The following DOCK11 variants were observed in gnomAD, a reference collection of about 807,000 sequenced individuals.
The protein encoded by DOCK11 is dedicator of cytokinesis protein 11.
Under a neutral mutation model 169.1 loss-of-function variants are expected in DOCK11, and 70 were observed. That is an observed-to-expected ratio of 0.41 (90% CI 0.34 to 0.51). The LOEUF is 0.51. DOCK11 is among the 20% of genes least tolerant of loss of function. The probability of loss-of-function intolerance (pLI) is 0.10; values close to 1 mark genes in which losing one functional copy is unlikely to be tolerated. For missense variants in DOCK11, 1,166 were observed against 1,538.8 expected (o/e 0.76, Z 4.05); for synonymous variants, 529 against 541.3 (o/e 0.98, Z 0.32).
chrX:118,527,464 G>A lies in DOCK11; in HGVS notation c.103-15261G>A, dbSNP rs112828185. Among the ~76,000 whole-genome samples, 1,048 of 111,730 alleles carry A rather than the reference G, an allele frequency of 9.4e-3. 13 individuals carry two copies. The highest frequency in any genetic ancestry group is 0.032 in the African/African-American group (995 of 30,724). ...CAAAGAGGTTTTTGAACTCTGGTCC[G>A]AGGTTCCTTGTAGTCAGAAATTTCT... On this transcript the variant is annotated intron_variant, in intron 1 of 52. Coordinates refer to ENST00000276202, the MANE Select transcript of DOCK11 (RefSeq NM_144658.4).
At chrX:118,647,495 TA>T (rs2015711798) in intron 40 of DOCK11, among the ~76,000 whole-genome samples, 2 of 71,904 alleles carry the variant, frequency 2.8e-5, no homozygotes, top group Non-Finnish European at 4.8e-5. Context: ...TATATTATTA[TA>T]TAATATATTA....
At chrX:118,661,093 C>T (rs750759190) in intron 44 of DOCK11, among the ~76,000 whole-genome samples, 8 of 108,275 alleles carry the variant, frequency 7.4e-5, no homozygotes, top group Non-Finnish European at 1.5e-4. Context: ...CCAGTAGTCC[C>T]AGCTACTTGG....
chrX:118,590,514 G>A (rs936199359), intron 19 of DOCK11, among the ~76,000 whole-genome samples: 4 of 111,232 alleles, frequency 3.6e-5, no homozygotes, highest in Admixed American at 1.9e-4. Context: ...GGGGCTCTTC[G>A]ACTTGAGGTA....
chrX:118,588,801 A>T (rs757041524), intron 18 of DOCK11, among the ~76,000 whole-genome samples: 10 of 111,920 alleles, frequency 8.9e-5, no homozygotes, highest in Non-Finnish European at 1.9e-4. Context: ...AGGGACTATA[A>T]ACTCCTTTCT....
chrX:118,601,609 TTAAAA>T (rs770655147), intron 23 of DOCK11, among the ~76,000 whole-genome samples: 4 of 111,530 alleles, frequency 3.6e-5, no homozygotes, highest in African/African-American at 9.8e-5. Context: ...ACGGGTATTC[TTAAAA>T]TAGAAAAGTT....
intron 45 of DOCK11, among the ~76,000 whole-genome samples, chrX:118,670,802 A>G (rs2016451157): frequency 8.9e-6 from 1 of 112,370 alleles, no homozygotes; most frequent in East Asian, 2.8e-4. Flanking sequence ...ATAGTTTACT[A>G]TTGTTAACAT....
chrX:118,510,687 C>G (rs920945839), intron 1 of DOCK11, among the ~76,000 whole-genome samples: 1 of 110,941 alleles, frequency 9.0e-6, no homozygotes, highest in Admixed American at 9.6e-5. Context: ...AACTATTTGG[C>G]CACAAGTCCC....
At chrX:118,547,152 T>G (rs1170557105) in intron 6 of DOCK11, among the ~76,000 whole-genome samples, 4 of 111,354 alleles carry the variant, frequency 3.6e-5, no homozygotes, top group Non-Finnish European at 7.5e-5. Flanking sequence ...GAAAAACAAA[T>G]TATGCTCTGA....
intron 1 of DOCK11, among the ~76,000 whole-genome samples, chrX:118,502,856 A>G (rs1417630218): frequency 9.0e-6 from 1 of 110,927 alleles, no homozygotes; most frequent in Non-Finnish European, 1.9e-5. Flanking sequence ...GTTTTGTATC[A>G]TTTCTGGGTG....
At chrX:118,586,832 A>G (rs746738173) in intron 16 of DOCK11, among the ~76,000 whole-genome samples, 19 of 112,154 alleles carry the variant, frequency 1.7e-4, no homozygotes, top group African/African-American at 6.1e-4. Context: ...TGATGGGAAC[A>G]GTGGAGATAG....
At chrX:118,563,925 A>C (rs1281563745) in intron 7 of DOCK11, among the ~76,000 whole-genome samples, 2 of 111,380 alleles carry the variant, frequency 1.8e-5, no homozygotes, top group African/African-American at 3.3e-5. Flanking sequence ...AGTTAAAACC[A>C]GTTCTTGTCA....
chrX:118,683,353 T>A, intron 52 of DOCK11, 136 bp downstream of exon 52: 1 of 689,491 alleles, frequency 1.5e-6, no homozygotes, highest in Non-Finnish European at 2.1e-6. Context: ...ATATTATCTT[T>A]AATCATTTAA....
At chrX:118,678,507 C>G (rs1046244106) in intron 48 of DOCK11, among the ~76,000 whole-genome samples, 5 of 110,582 alleles carry the variant, frequency 4.5e-5, no homozygotes, top group Admixed American at 1.9e-4. Context: ...GAGTCTTGCT[C>G]TGTCACCCAG....
intron 12 of DOCK11, among the ~76,000 whole-genome samples, chrX:118,577,933 G>A (rs1045571179): frequency 8.9e-6 from 1 of 111,806 alleles, no homozygotes; most frequent in African/African-American, 3.3e-5. Flanking sequence ...GACAGGAGGT[G>A]TTCCTGTTCC....
intron 45 of DOCK11, 149 bp from the exon 46 acceptor site, chrX:118,670,874 T>G (rs184484119): frequency 2.6e-6 from 1 of 378,237 alleles, no homozygotes; most frequent in East Asian, 4.6e-5. Context: ...ATTTAGAAAA[T>G]ATCGTCACAC....
intron 44 of DOCK11, among the ~76,000 whole-genome samples, chrX:118,660,923 C>G (rs764849461): frequency 6.3e-5 from 7 of 110,834 alleles, no homozygotes; most frequent in Middle Eastern, 4.3e-3. Flanking sequence ...AAAAGTATTT[C>G]AAAGCCAGGC....
At chrX:118,598,557 G>A (rs2014241269) in intron 22 of DOCK11, among the ~76,000 whole-genome samples, 1 of 111,714 alleles carries the variant, frequency 9.0e-6, no homozygotes, top group African/African-American at 3.3e-5. Context: ...GCTCAGGCAG[G>A]TTAGGTGACT....
At chrX:118,668,733 A>C (rs779624369) in intron 45 of DOCK11, among the ~76,000 whole-genome samples, 1 of 111,606 alleles carries the variant, frequency 9.0e-6, no homozygotes, top group South Asian at 3.7e-4. Context: ...AAAAGTAGTG[A>C]AATAGAAAAA....
rs748852740 is a variant in DOCK11 at position 118,546,059 on chromosome X, A to G, written c.501A>G (p.Ile167Met). 1.1e-5 allele frequency: 13 copies of G among 1,206,391 alleles called. No homozygotes were observed. Among genetic ancestry groups the G allele is most frequent in the Non-Finnish European group, 1.5e-5 (13 of 893,301 alleles). Reference sequence around the variant, plus strand: ...TATGTTCTCAGAAGGGTGGTGTGATAAAACAAGGCTGGTTGCATAAAGCAA... The same window carrying G: ...TATGTTCTCAGAAGGGTGGTGTGATGAAACAAGGCTGGTTGCATAAAGCAA... ...SSLCSQKGGV[I>M]KQGWLHKANV... The change falls in exon 6 of 53, where the codon ATA (isoleucine) becomes ATG (methionine). Residue 167 changes from isoleucine to methionine, a missense_variant. Physicochemically the swap from Ile to Met is conservative, Grantham distance 10. Coordinates refer to ENST00000276202, the MANE Select transcript of DOCK11 (RefSeq NM_144658.4).
Sources: gnomAD v4.1 joint callset for allele counts (sites outside exome capture counted in the v4.1 genomes callset) on GRCh38, gnomAD v4.1.1 for gene constraint, MANE v1.5 for transcripts, NCBI Gene and HGNC (gene_info 2026-07-23, HGNC 2026-07-21) for gene names.